The following PISD variants were observed in gnomAD, a reference collection of about 807,000 sequenced individuals.
PISD encodes the protein phosphatidylserine decarboxylase, also known as phosphatidylserine decarboxylase proenzyme, mitochondrial.
A neutral mutation model predicts 43.5 loss-of-function variants in PISD; 31 were observed. The ratio of observed to expected loss-of-function variants is 0.71; its 90% CI spans 0.54 to 0.96. The LOEUF is 0.96. Among genes scored for constraint, PISD ranks in the 40% least tolerant of loss-of-function variants. The pLI is 0.00. For synonymous variants in PISD, 259 were observed against 228.7 expected, an observed-to-expected ratio of 1.13 and a Z score of -1.20; for missense variants, 523 against 548.4, an observed-to-expected ratio of 0.95 and a Z score of 0.46.
intron 3 of PISD, among the ~76,000 whole-genome samples, chr22:31,639,130 A>C (rs2147747270): frequency 6.8e-6 from 1 of 146,722 alleles, no homozygotes; most frequent in East Asian, 2.1e-4. Context: ...GGTAACAGGG[A>C]CCACAGGCAC....
intron 3 of PISD, among the ~76,000 whole-genome samples, chr22:31,647,149 T>C (rs1236498448): frequency 6.6e-6 from 1 of 152,198 alleles, no homozygotes; most frequent in Non-Finnish European, 1.5e-5. Context: ...GTAATGCCAA[T>C]GGCAGCAAAT....
chr22:31,635,895 C>T (rs1209931345), intron 3 of PISD, among the ~76,000 whole-genome samples: 3 of 152,242 alleles, frequency 2.0e-5, no homozygotes, highest in African/African-American at 7.2e-5. Flanking sequence ...CATTTCCACA[C>T]TCACACCTAT....
At chr22:31,650,076 T>C (rs1056541569) in intron 2 of PISD, among the ~76,000 whole-genome samples, 6 of 152,186 alleles carry the variant, frequency 3.9e-5, no homozygotes, top group Non-Finnish European at 7.3e-5. Context: ...TGTGTTGCTT[T>C]GTTACAGCAG....
intron 1 of PISD, among the ~76,000 whole-genome samples, chr22:31,655,618 C>T (rs577049180): frequency 1.1e-3 from 162 of 152,004 alleles, no homozygotes; most frequent in African/African-American, 3.8e-3. Flanking sequence ...TGCACCAGGC[C>T]AGGACTCGTT....
In PISD at chr22:31,630,948, A is replaced by C. The variant is rs564117788; in HGVS notation, c.322-9063T>G. 137 of 786,956 alleles carry C rather than the reference A, an allele frequency of 1.7e-4. No individual in the cohort carries two copies. In the African/African-American group the frequency reaches 2.3e-3, roughly 13 times the overall value. 48.7% of individuals were successfully genotyped at this position (786,956 alleles called of 1,614,324 possible). A position where few individuals can be genotyped will look rare whatever the true frequency, so the allele number is the denominator to read the frequency against. Reference sequence around the variant, plus strand: ...AGGAGGCCGACCCCAGCCACCCTTAAAGCTGCCGCCCCCTCTGAGCCCCAG... The same window carrying C: ...AGGAGGCCGACCCCAGCCACCCTTACAGCTGCCGCCCCCTCTGAGCCCCAG... On this transcript the variant is annotated intron_variant, in intron 3 of 7. Coordinates refer to ENST00000439502, the MANE Select transcript of PISD (RefSeq NM_001326411.2). This position sits in a 1 kb window ranked among gnomAD's most constrained non-coding sequence, Gnocchi z 4.4.
At chr22:31,646,112 G>A (rs940783352) in intron 3 of PISD, among the ~76,000 whole-genome samples, 2 of 151,828 alleles carry the variant, frequency 1.3e-5, no homozygotes, top group African/African-American at 4.8e-5. Flanking sequence ...GAAAATCCAG[G>A]AGTGGCCGGT....
chr22:31,619,545 C>A lies in PISD; in HGVS notation c.*67G>T, dbSNP rs1033124724. 7.4e-7 allele frequency: 1 copy of A among 1,356,176 alleles called. No homozygotes were observed. Among genetic ancestry groups the A allele is most frequent in the African/African-American group, 1.4e-5 (1 of 69,848 alleles). The allele number at this position is 1,356,176 out of a possible 1,614,324, so 84.0% of individuals were successfully genotyped here. The stretch of plus-strand genomic sequence containing the variant: ...CTTACCTGGATGGCCTCATGGGCCT[C>A]CCTCTTGAAAAGACCCTCACTCTGT... On this transcript the variant is annotated 3_prime_UTR_variant, in exon 8 of 8. Transcript: ENST00000439502.
chr22:31,646,088 T>C (rs183400902), intron 3 of PISD, among the ~76,000 whole-genome samples: 1 of 152,142 alleles, frequency 6.6e-6, no homozygotes, highest in East Asian at 1.9e-4. Context: ...AAATGAAGTG[T>C]TGGAGTCCCA....
intron 3 of PISD, among the ~76,000 whole-genome samples, chr22:31,639,097 G>A (rs936487263): frequency 4.6e-5 from 7 of 150,954 alleles, no homozygotes; most frequent in Admixed American, 2.6e-4. Flanking sequence ...AGGTTCAAGC[G>A]ATTCTCCTGT....
At chr22:31,623,782 G>A (rs757349016) in intron 3 of PISD, 1 of 1,614,164 alleles carries the variant, frequency 6.2e-7, no homozygotes, top group East Asian at 2.2e-5. Context: ...CGCAGTTTCA[G>A]AGCGGGTCTG....
At chr22:31,635,037 G>A (rs948328548) in intron 3 of PISD, among the ~76,000 whole-genome samples, 8 of 150,488 alleles carry the variant, frequency 5.3e-5, no homozygotes, top group Admixed American at 1.3e-4. Context: ...GTGGTGGCAC[G>A]CACGTGTAAT....
At chr22:31,650,803 T>C in intron 1 of PISD, 25 bp from the exon 2 acceptor site, 1 of 1,382,638 alleles carries the variant, frequency 7.2e-7, no homozygotes. Flanking sequence ...AAATGAACCA[T>C]TAAATATTAT....
intron 1 of PISD, among the ~76,000 whole-genome samples, chr22:31,655,316 C>CTTTTTTTTT (rs58895520): frequency 6.9e-6 from 1 of 145,128 alleles, no homozygotes; most frequent in African/African-American, 2.5e-5. Flanking sequence ...GTACAACCCC[C>CTTTTTTTTT]TTTTTTTTTT....
At chr22:31,640,702 T>C (rs1442582209) in intron 3 of PISD, among the ~76,000 whole-genome samples, 2 of 141,314 alleles carry the variant, frequency 1.4e-5, no homozygotes, top group African/African-American at 5.2e-5. Flanking sequence ...CACCTCAGCC[T>C]CCCGAGTAGC....
intron 3 of PISD, chr22:31,625,618 C>CCAGGCCAGGCTCCT: frequency 2.9e-6 from 3 of 1,042,922 alleles, no homozygotes; most frequent in Non-Finnish European, 4.2e-6. Flanking sequence ...CTCAGGCCCC[C>CCAGGCCAGGCTCCT]CAGGCCAGGC....
chr22:31,651,787 CTCT>C (rs1204814567), intron 1 of PISD, among the ~76,000 whole-genome samples: 8 of 152,174 alleles, frequency 5.3e-5, no homozygotes. Flanking sequence ...CAGTTACTTT[CTCT>C]TCTTTGTTTC....
chr22:31,657,049 T>A (rs1013800088), intron 1 of PISD, among the ~76,000 whole-genome samples: 2 of 152,224 alleles, frequency 1.3e-5, no homozygotes, highest in Non-Finnish European at 2.9e-5. Context: ...GCACGCAATA[T>A]GGAATAATCA....
chr22:31,623,993 A>G (rs2072733960), intron 3 of PISD: 1 of 701,162 alleles, frequency 1.4e-6, no homozygotes, highest in South Asian at 1.9e-5. Flanking sequence ...GATGGAGCCC[A>G]GCAAGCACTG....
intron 3 of PISD, chr22:31,632,314 G>A (rs1376804886): frequency 2.2e-6 from 2 of 892,200 alleles, no homozygotes; most frequent in African/African-American, 3.6e-5. Context: ...CATGGGAACA[G>A]GGAGGCAGGG....
Sources: gnomAD v4.1 joint callset for allele counts (sites outside exome capture counted in the v4.1 genomes callset) on GRCh38, gnomAD v4.1.1 for gene constraint, Gnocchi (gnomAD v3.1) non-coding constraint, MANE v1.5 for transcripts, NCBI Gene and HGNC (gene_info 2026-07-23, HGNC 2026-07-21) for gene names.